The following CACNA1B variants were observed in gnomAD, a reference collection of about 807,000 sequenced individuals.
CACNA1B encodes calcium voltage-gated channel subunit alpha1 B.
In CACNA1B, 70 loss-of-function variants were observed where a neutral mutation model predicts 247.2. The ratio of observed to expected loss-of-function variants is 0.28; its 90% confidence interval spans 0.23 to 0.35. The LOEUF (loss-of-function observed/expected upper bound fraction) is 0.35. Among genes scored for constraint, CACNA1B ranks in the 10% least tolerant of loss-of-function variants. The pLI, the probability that CACNA1B is intolerant of heterozygous loss-of-function variation, is 1.00. For missense variants in CACNA1B, 2,367 were observed against 3,197.4 expected (o/e 0.74, Z 6.26); for synonymous variants, 1,231 against 1,294.4 (o/e 0.95, Z 1.05).
At chr9:137,916,313 G>A (rs1410484789) in intron 5 of CACNA1B, among the ~76,000 whole-genome samples, 8 of 152,172 alleles carry the variant, frequency 5.3e-5, no homozygotes, top group African/African-American at 1.7e-4. Context: ...GATTACAGGC[G>A]TGAGCCACCG....
At position 137,986,374 on chromosome 9, in the gene CACNA1B, C is replaced by A; in HGVS notation, c.1770-39C>A. 1 of 1,608,976 alleles carries A rather than the reference C, an allele frequency of 6.2e-7. No individual in the cohort carries two copies. Among genetic ancestry groups the A allele is most frequent in the Non-Finnish European group, 8.5e-7 (1 of 1,177,536 alleles). On this transcript the variant is annotated intron_variant, in intron 13 of 46. Transcript: ENST00000371372. This position sits in a 1 kb window ranked among gnomAD's most constrained non-coding sequence, Gnocchi z 6.0. ...CAGAGAGCCATGAATGTGAAGTCAG[C>A]GTCTGGAGCTGGCTCAGACCCCCTG...
At chr9:138,047,099 G>C in intron 22 of CACNA1B, 66 bp downstream of exon 22, 1 of 1,473,410 alleles carries the variant, frequency 6.8e-7, no homozygotes, top group Non-Finnish European at 9.2e-7. Flanking sequence ...CTTCCCAGGG[G>C]CCCAAGGGGC....
chr9:137,948,421 C>T lies in CACNA1B; in HGVS notation c.967-3853C>T, dbSNP rs77231345. 6.6e-5 allele frequency among the ~76,000 whole-genome samples: 10 copies of T among 152,178 alleles called. No homozygotes were observed. In the East Asian group the frequency reaches 1.5e-3, roughly 23 times the overall value. On this transcript the variant is annotated intron_variant, in intron 6 of 46. Coordinates refer to ENST00000371372, the MANE Select transcript of CACNA1B (RefSeq NM_000718.4). Reference sequence around the variant, plus strand: ...TCCTTATCAGAATGGATAATTCTATCGTTCTTTGTTTTCTTACTGTTCACT... The same window carrying T: ...TCCTTATCAGAATGGATAATTCTATTGTTCTTTGTTTTCTTACTGTTCACT...
At position 138,059,513 on chromosome 9, in the gene CACNA1B, C is replaced by T; in HGVS notation, c.4585-141C>T. On this transcript the variant is annotated intron_variant, in intron 30 of 46. Transcript: ENST00000371372. This position sits in a 1 kb window ranked among gnomAD's most constrained non-coding sequence, Gnocchi z 4.2. The stretch of plus-strand genomic sequence containing the variant: ...GCTTACCTCTGGCCTTGTGCTGTGC[C>T]CCCTGGGGTGGCCTGTCTGCCCTGT... 1.5e-6 allele frequency: 1 copy of T among 659,936 alleles called. No individual in the cohort carries two copies. The highest frequency in any genetic ancestry group is 2.5e-5 in the East Asian group (1 of 39,356). 40.9% of individuals were successfully genotyped at this position (659,936 alleles called of 1,614,324 possible). A position where few individuals can be genotyped will look rare whatever the true frequency, so the allele number is the denominator to read the frequency against.
rs1173163661 is a variant in CACNA1B at position 137,954,879 on chromosome 9, TGA to T, written c.1071-797_1071-796del. On this transcript the variant is annotated intron_variant, in intron 7 of 46. Coordinates refer to ENST00000371372, the MANE Select transcript of CACNA1B (RefSeq NM_000718.4). The surrounding 1 kb of genome is among the most constrained non-coding windows in gnomAD (Gnocchi z 4.1). ...GCTTGTGTGTGTGTGTGTGTGTGTGTGAGAGAGAGAGAGAGAGAGAGAGGGGG... is the reference window on the plus strand; with the variant it reads ...GCTTGTGTGTGTGTGTGTGTGTGTGTGAGAGAGAGAGAGAGAGAGAGGGGG... 1.7e-3 allele frequency among the ~76,000 whole-genome samples: 251 copies of T among 144,730 alleles called. 1 individual carries two copies. Among genetic ancestry groups the T allele is most frequent in the East Asian group, 3.1e-3 (14 of 4,582 alleles). 94.9% of individuals were successfully genotyped at this position (144,730 alleles called of 152,430 possible). A position where few individuals can be genotyped will look rare whatever the true frequency, so the allele number is the denominator to read the frequency against.
intron 6 of CACNA1B, among the ~76,000 whole-genome samples, chr9:137,928,513 A>G (rs543580071): frequency 2.0e-5 from 3 of 152,360 alleles, no homozygotes; most frequent in African/African-American, 7.2e-5. Context: ...AAGAGATTGT[A>G]TAGAAATGTG....
chr9:137,997,464 C>T (rs1450933957), intron 15 of CACNA1B, among the ~76,000 whole-genome samples: 1 of 152,140 alleles, frequency 6.6e-6, no homozygotes, highest in Non-Finnish European at 1.5e-5. Context: ...AATTGGATTC[C>T]TACCTTGTAC....
chr9:137,986,894 C>T lies in CACNA1B; in HGVS notation c.1974+40C>T. 1.4e-6 allele frequency: 2 copies of T among 1,467,160 alleles called. No individual in the cohort carries two copies. The allele number at this position is 1,467,160 out of a possible 1,614,324, so 90.9% of individuals were successfully genotyped here. A position where few individuals can be genotyped will look rare whatever the true frequency, so the allele number is the denominator to read the frequency against. On this transcript the variant is annotated intron_variant, in intron 15 of 46. Coordinates refer to ENST00000371372, the MANE Select transcript of CACNA1B (RefSeq NM_000718.4). The surrounding 1 kb of genome is among the most constrained non-coding windows in gnomAD (Gnocchi z 6.0). ...CTGCACATTTGCGGCCTGCCCGGCT[C>T]CCGTCTCCCCTGGGTGCTGGGAAGG...
intron 3 of CACNA1B, among the ~76,000 whole-genome samples, chr9:137,892,782 G>A (rs1406425079): frequency 6.6e-6 from 1 of 152,230 alleles, no homozygotes; most frequent in Admixed American, 6.5e-5. Context: ...CGTGTGGGGA[G>A]GGAATGGTGT....
At chr9:137,989,972 G>A (rs779411123) in intron 15 of CACNA1B, among the ~76,000 whole-genome samples, 2 of 152,164 alleles carry the variant, frequency 1.3e-5, no homozygotes, top group East Asian at 1.9e-4. Context: ...GCTCCTGCTC[G>A]GACAGACAGA....
rs552826990 is a variant in CACNA1B, at chr9:137,962,582, A to G, written c.1333+4895A>G. Among the ~76,000 whole-genome samples the G allele has an allele frequency of 2.6e-5, 4 of 152,038 alleles. No homozygotes were observed. The South Asian group carries it at 8.3e-4, about 32-fold the overall frequency. Reference sequence around the variant, plus strand: ...TGTGTCCCAGAGATTCTGGTATGTTATATCTTTGTTCTCATTAGTTTCAAA... The same window carrying G: ...TGTGTCCCAGAGATTCTGGTATGTTGTATCTTTGTTCTCATTAGTTTCAAA... On this transcript the variant is annotated intron_variant, in intron 10 of 46. Transcript: ENST00000371372.
At chr9:137,983,168 C>A (rs1317307842) in intron 12 of CACNA1B, among the ~76,000 whole-genome samples, 1 of 152,214 alleles carries the variant, frequency 6.6e-6, no homozygotes, top group African/African-American at 2.4e-5. Context: ...ATATATGTCC[C>A]AAATACAATG....
chr9:137,968,542 C>G (rs182791937), intron 10 of CACNA1B, among the ~76,000 whole-genome samples: 3 of 152,352 alleles, frequency 2.0e-5, no homozygotes, highest in Admixed American at 2.0e-4. Context: ...GCTTTAGCCT[C>G]ACGTCACTTT....
At position 138,025,108 on chromosome 9, in the gene CACNA1B, G is replaced by A. The variant is rs765615224; in HGVS notation, c.3222G>A (p.Pro1074=). 7.4e-6 allele frequency: 12 copies of A among 1,613,444 alleles called. No individual in the cohort carries two copies. The highest frequency in any genetic ancestry group is 1.0e-5 in the Non-Finnish European group (12 of 1,179,672). The change falls in exon 20 of 47, where the codon CCG becomes CCA. Residue 1074 remains proline (P), a synonymous_variant. Coordinates refer to ENST00000371372, the MANE Select transcript of CACNA1B (RefSeq NM_000718.4). ...VTRMGSQPPD[P]NTIVHIPVML... is the part of the protein sequence containing the mutation. ...GCATGGGCAGTCAGCCCCCAGACCCGAACACTATTGTACATATCCCAGTGA... is the reference window on the plus strand; with the variant it reads ...GCATGGGCAGTCAGCCCCCAGACCCAAACACTATTGTACATATCCCAGTGA...
At chr9:138,079,514 G>A (rs1023338641) in intron 36 of CACNA1B, among the ~76,000 whole-genome samples, 8 of 152,042 alleles carry the variant, frequency 5.3e-5, no homozygotes, top group African/African-American at 1.2e-4. Context: ...AAGCCCAGGC[G>A]GACAGATCAC....
At chr9:138,061,348 G>T (rs1194753530) in intron 31 of CACNA1B, among the ~76,000 whole-genome samples, 5 of 152,174 alleles carry the variant, frequency 3.3e-5, no homozygotes, top group Non-Finnish European at 7.3e-5. Flanking sequence ...CTAAAATTGG[G>T]GAAGATGAGC....
chr9:137,908,681 A>T (rs1957324298), intron 3 of CACNA1B, among the ~76,000 whole-genome samples: 1 of 151,878 alleles, frequency 6.6e-6, no homozygotes, highest in Non-Finnish European at 1.5e-5. Flanking sequence ...CCCAGGCTTG[A>T]CTGCAGTGGT....
intron 38 of CACNA1B, among the ~76,000 whole-genome samples, chr9:138,103,173 G>T (rs373249456): frequency 2.0e-5 from 3 of 152,150 alleles, no homozygotes; most frequent in African/African-American, 4.8e-5. Context: ...GATTGTTTTT[G>T]TTCTGGGCTC....
intron 3 of CACNA1B, among the ~76,000 whole-genome samples, chr9:137,911,770 C>T (rs1345866257): frequency 2.0e-5 from 3 of 152,316 alleles, no homozygotes; most frequent in East Asian, 1.9e-4. Context: ...TTGTCTGTTA[C>T]GGCTATGTGT....
Sources: allele counts gnomAD v4.1 joint callset (sites outside exome capture counted in the v4.1 genomes callset), GRCh38; gene constraint gnomAD v4.1.1; non-coding constraint Gnocchi (gnomAD v3.1); transcripts MANE v1.5; gene names NCBI Gene and HGNC (gene_info 2026-07-23, HGNC 2026-07-21).